The following POU6F2 variants were observed in gnomAD, a reference collection of about 807,000 sequenced individuals.
The protein encoded by POU6F2 is POU domain, class 6, transcription factor 2.
POU6F2 carries 31 observed loss-of-function variants against 71.3 expected under a neutral mutation model. The ratio of observed to expected loss-of-function variants is 0.43; its 90% confidence interval spans 0.33 to 0.59. POU6F2 has a LOEUF of 0.59. Among genes scored for constraint, POU6F2 ranks in the 20% least tolerant of loss-of-function variants. The pLI is 0.04. For synonymous variants in POU6F2, 347 were observed against 355.7 expected, an observed-to-expected ratio of 0.98 and a Z score of 0.27; for missense variants, 783 against 856.8, an observed-to-expected ratio of 0.91 and a Z score of 1.07.
At chr7:39,203,682 C>T (rs887468965) in intron 2 of POU6F2, among the ~76,000 whole-genome samples, 2 of 152,154 alleles carry the variant, frequency 1.3e-5, no homozygotes, top group Non-Finnish European at 2.9e-5. Context: ...TTTCAATTAG[C>T]ACCTGGGACA....
At chr7:39,012,675 G>T (rs1470345493) in intron 1 of POU6F2, among the ~76,000 whole-genome samples, 1 of 152,086 alleles carries the variant, frequency 6.6e-6, no homozygotes, top group East Asian at 1.9e-4. Context: ...TTTGGTCTTT[G>T]ATGATGATGA....
intron 1 of POU6F2, among the ~76,000 whole-genome samples, chr7:38,998,344 C>A (rs1414690332): frequency 6.6e-6 from 1 of 152,080 alleles, no homozygotes; most frequent in Admixed American, 6.5e-5. Flanking sequence ...CTGTCCTATG[C>A]GATTAAAGTG....
chr7:39,297,832 G>A (rs552855375), intron 4 of POU6F2, among the ~76,000 whole-genome samples: 3 of 152,180 alleles, frequency 2.0e-5, no homozygotes, highest in African/African-American at 7.2e-5. Flanking sequence ...ACAAAACAGA[G>A]ACCTCAGAAA....
intron 2 of POU6F2, among the ~76,000 whole-genome samples, chr7:39,183,585 T>A (rs900678847): frequency 1.3e-5 from 2 of 152,104 alleles, no homozygotes; most frequent in African/African-American, 4.8e-5. Context: ...TCTTCCACAT[T>A]GGGGATTATA....
At chr7:39,378,471 G>C (rs1198310157) in intron 5 of POU6F2, among the ~76,000 whole-genome samples, 1 of 152,200 alleles carries the variant, frequency 6.6e-6, no homozygotes, top group East Asian at 1.9e-4. Context: ...GCATGATGTG[G>C]CATGAGGTGG....
chr7:39,231,704 A>G (rs1794578654), intron 4 of POU6F2, among the ~76,000 whole-genome samples: 1 of 152,138 alleles, frequency 6.6e-6, no homozygotes, highest in South Asian at 2.1e-4. Flanking sequence ...AATCCCCTGC[A>G]TGTTCTCTCT....
chr7:39,155,365 T>C (rs1792848773), intron 2 of POU6F2, among the ~76,000 whole-genome samples: 1 of 152,046 alleles, frequency 6.6e-6, no homozygotes, highest in Non-Finnish European at 1.5e-5. Flanking sequence ...GGAAAGGGTA[T>C]TAAAAATCTT....
At chr7:39,049,297 G>T (rs777950591) in intron 1 of POU6F2, among the ~76,000 whole-genome samples, 13 of 151,776 alleles carry the variant, frequency 8.6e-5, no homozygotes, top group Non-Finnish European at 1.6e-4. Context: ...ATTGACTGGA[G>T]ACTATTTTTC....
chr7:39,125,253 T>C (rs1012707864), intron 2 of POU6F2, among the ~76,000 whole-genome samples: 19 of 152,214 alleles, frequency 1.2e-4, no homozygotes, highest in African/African-American at 4.6e-4. Context: ...TTTATGTATC[T>C]GTGGCAGTGT....
chr7:39,284,562 A>G (rs1389347718), intron 4 of POU6F2, among the ~76,000 whole-genome samples: 1 of 152,274 alleles, frequency 6.6e-6, no homozygotes, highest in Non-Finnish European at 1.5e-5. Flanking sequence ...TGGTGACAGC[A>G]CATGAACATT....
At chr7:39,221,906 A>G (rs1794370518) in intron 4 of POU6F2, among the ~76,000 whole-genome samples, 1 of 152,238 alleles carries the variant, frequency 6.6e-6, no homozygotes, top group Non-Finnish European at 1.5e-5. Flanking sequence ...AATAAAAAAC[A>G]TTAAAACGTT....
intron 4 of POU6F2, among the ~76,000 whole-genome samples, chr7:39,324,107 C>CAAA (rs70977473): frequency 4.9e-4 from 35 of 70,736 alleles, no homozygotes; most frequent in Admixed American, 7.1e-4. Context: ...AACTACATCT[C>CAAA]AAAAAAAAAA....
rs1482079659 is a variant in POU6F2 at position 39,010,901 on chromosome 7, ATC to A, written c.105+32847_105+32848del. On this transcript the variant is annotated intron_variant, in intron 1 of 9. Transcript: ENST00000518318. ...GTGGTCTGAGAGATAGTTTGTTATA[ATC>A]TCTGTTCTTTTACATTTGCTGAGGA... Among the ~76,000 whole-genome samples, 101 of 151,618 alleles carry A rather than the reference ATC, an allele frequency of 6.7e-4. 1 individual carries two copies. Among genetic ancestry groups the A allele is most frequent in the African/African-American group, 2.3e-3 (96 of 41,280 alleles).
At chr7:39,399,787 C>A (rs1354280561) in intron 5 of POU6F2, among the ~76,000 whole-genome samples, 1 of 151,440 alleles carries the variant, frequency 6.6e-6, no homozygotes, top group East Asian at 1.9e-4. Flanking sequence ...GAGTTCGAGG[C>A]CACAGTGAAT....
intron 1 of POU6F2, among the ~76,000 whole-genome samples, chr7:39,010,189 C>T (rs1244820517): frequency 1.1e-4 from 15 of 138,470 alleles, no homozygotes; most frequent in Admixed American, 3.0e-4. Context: ...TGATTATTGC[C>T]ACAATTTCAG....
chr7:39,151,428 C>T (rs1268200712), intron 2 of POU6F2, among the ~76,000 whole-genome samples: 1 of 152,152 alleles, frequency 6.6e-6, no homozygotes, highest in Non-Finnish European at 1.5e-5. Context: ...TTAGTCATCT[C>T]ACCATCAGCT....
At chr7:39,197,103 C>T (rs374891007) in intron 2 of POU6F2, among the ~76,000 whole-genome samples, 1 of 152,178 alleles carries the variant, frequency 6.6e-6, no homozygotes, top group African/African-American at 2.4e-5. Context: ...GACATCTGAG[C>T]GTGTAGGAGG....
intron 4 of POU6F2, among the ~76,000 whole-genome samples, chr7:39,247,700 CA>C (rs1411581733): frequency 6.6e-6 from 1 of 152,094 alleles, no homozygotes; most frequent in East Asian, 1.9e-4. Context: ...ATTTAATGAC[CA>C]ATCCCACTTT....
intron 2 of POU6F2, among the ~76,000 whole-genome samples, chr7:39,100,359 T>C (rs561947708): frequency 3.3e-5 from 5 of 152,334 alleles, no homozygotes; most frequent in African/African-American, 1.2e-4. Context: ...ATAACCTTTG[T>C]TGGGAATATT....
Sources: allele counts gnomAD v4.1 joint callset (sites outside exome capture counted in the v4.1 genomes callset), GRCh38; gene constraint gnomAD v4.1.1; transcripts MANE v1.5; gene names NCBI Gene and HGNC (gene_info 2026-07-23, HGNC 2026-07-21).